Variants in ATF6 observed in about 807,000 individuals in gnomAD.
The protein encoded by ATF6 is activating transcription factor 6, also known as cyclic AMP-dependent transcription factor ATF-6 alpha.
A neutral mutation model predicts 83.6 loss-of-function variants in ATF6; 53 were observed. The ratio of observed to expected loss-of-function variants is 0.63; its 90% confidence interval spans 0.51 to 0.80. The LOEUF (loss-of-function observed/expected upper bound fraction) is 0.80, where lower values mean the gene tolerates loss of function less well. Among genes scored for constraint, ATF6 ranks in the 30% least tolerant of loss-of-function variants. The pLI, the probability that ATF6 is intolerant of heterozygous loss-of-function variation, is 0.00. For missense variants in ATF6, 744 were observed against 797.9 expected, an observed-to-expected ratio of 0.93 and a Z score of 0.81; for synonymous variants, 288 against 285.8, an observed-to-expected ratio of 1.01 and a Z score of -0.08.
intron 6 of ATF6, among the ~76,000 whole-genome samples, chr1:161,798,582 A>G (rs1436933054): frequency 6.6e-6 from 1 of 152,226 alleles, no homozygotes; most frequent in African/African-American, 2.4e-5. Flanking sequence ...ACTGCACTCC[A>G]GCCTGGGTGA....
intron 15 of ATF6, among the ~76,000 whole-genome samples, chr1:161,958,082 T>TC (rs536017077): frequency 1.7e-3 from 260 of 152,254 alleles, no homozygotes; most frequent in African/African-American, 6.0e-3. Context: ...TTCTCTGTAT[T>TC]CCCCACTAAA....
At chr1:161,766,888 C>G (rs554020244) in intron 1 of ATF6, among the ~76,000 whole-genome samples, 1 of 152,308 alleles carries the variant, frequency 6.6e-6, no homozygotes, top group South Asian at 2.1e-4. Context: ...AATCTTACAG[C>G]TTTTACTATT....
intron 9 of ATF6, among the ~76,000 whole-genome samples, chr1:161,840,690 A>T (rs546571882): frequency 6.6e-6 from 1 of 152,196 alleles, no homozygotes; most frequent in East Asian, 1.9e-4. Context: ...AACAATTCTT[A>T]TAATACTTTT....
Position 161,802,201 on chromosome 1 carries a change from A to T in ATF6, c.838A>T (p.Ser280Cys). The T allele has an allele frequency of 6.2e-7, 1 of 1,614,080 alleles. No individual in the cohort carries two copies. Among genetic ancestry groups the T allele is most frequent in the Non-Finnish European group, 8.5e-7 (1 of 1,179,994 alleles). ...TGTGGTACCAGCCCCTTCAGCGAAT[A>T]GCCCAGTGAATGGAAAACTTTCCGT... is the stretch of plus-strand genomic sequence containing the variant. ...VNVVPAPSAN[S>C]PVNGKLSVTK... The change falls in exon 7 of 16, where the codon AGC becomes TGC. Residue 280 changes from serine to cysteine, a missense_variant. By Grantham distance (112) the Ser-to-Cys change is moderately radical. Coordinates refer to ENST00000367942, the MANE Select transcript of ATF6 (RefSeq NM_007348.4).
intron 12 of ATF6, among the ~76,000 whole-genome samples, chr1:161,853,843 C>T (rs1267019313): frequency 7.9e-5 from 12 of 152,128 alleles, no homozygotes; most frequent in Non-Finnish European, 1.3e-4. Flanking sequence ...TAAGTCATTC[C>T]GTCATTCATC....
chr1:161,828,145 A>T (rs147577261), intron 9 of ATF6, among the ~76,000 whole-genome samples: 1 of 151,458 alleles, frequency 6.6e-6, no homozygotes, highest in African/African-American at 2.4e-5. Context: ...ATCACTACAG[A>T]CTCTGCCTTT....
intron 14 of ATF6, among the ~76,000 whole-genome samples, chr1:161,865,906 C>G (rs16856649): frequency 0.14 from 21,566 of 151,916 alleles, 2,090 homozygotes; most frequent in East Asian, 0.32. Flanking sequence ...TTCTTTAATA[C>G]CTGGATTGTT....
intron 15 of ATF6, among the ~76,000 whole-genome samples, chr1:161,945,993 GT>G (rs1321771810): frequency 3.3e-5 from 5 of 152,096 alleles, no homozygotes; most frequent in South Asian, 2.1e-4. Flanking sequence ...TACAGAGTCT[GT>G]TTTTGTTTTG....
chr1:161,884,342 C>T (rs1284127771), intron 14 of ATF6, among the ~76,000 whole-genome samples: 2 of 151,910 alleles, frequency 1.3e-5, no homozygotes, highest in Non-Finnish European at 1.5e-5. Flanking sequence ...AATACAAAAA[C>T]GTTAAAATTT....
At chr1:161,801,940 C>A in intron 6 of ATF6, 112 bp from the exon 7 acceptor site, 1 of 877,992 alleles carries the variant, frequency 1.1e-6, no homozygotes, top group Admixed American at 2.2e-5. Context: ...GGTGTCCAAT[C>A]CCTTGGTGTT....
At chr1:161,855,146 T>A (rs1361537088) in intron 12 of ATF6, among the ~76,000 whole-genome samples, 1 of 152,080 alleles carries the variant, frequency 6.6e-6, no homozygotes, top group African/African-American at 2.4e-5. Flanking sequence ...ATTTATATTT[T>A]AAAAAATTAG....
rs1571266594 is a variant in ATF6, at chr1:161,961,035, A to G, written c.*2381A>G. ...CTCTCTGTGACAGAATCACAGGAGA[A>G]GGACCCATCTCGTGGCCTTCTTGTT... On this transcript the variant is annotated 3_prime_UTR_variant, in exon 16 of 16. Coordinates refer to ENST00000367942, the MANE Select transcript of ATF6 (RefSeq NM_007348.4). 1 of 152,226 alleles carries G rather than the reference A, an allele frequency of 6.6e-6. No individual in the cohort carries two copies. Among genetic ancestry groups the G allele is most frequent in the Non-Finnish European group, 1.5e-5 (1 of 68,040 alleles). The allele number at this position is 152,226 out of a possible 1,614,324, so 9.4% of individuals were successfully genotyped here.
At chr1:161,838,006 C>T (rs1478711368) in intron 9 of ATF6, among the ~76,000 whole-genome samples, 2 of 152,192 alleles carry the variant, frequency 1.3e-5, no homozygotes, top group Non-Finnish European at 2.9e-5. Context: ...TTGGCTTAAT[C>T]ACTGACAGAG....
intron 9 of ATF6, among the ~76,000 whole-genome samples, chr1:161,826,858 T>A (rs1283925577): frequency 6.6e-6 from 1 of 151,850 alleles, no homozygotes; most frequent in Non-Finnish European, 1.5e-5. Context: ...CTGAAATTTG[T>A]CCCTGAATCA....
At chr1:161,918,099 C>T (rs1237567004) in intron 15 of ATF6, among the ~76,000 whole-genome samples, 2 of 151,978 alleles carry the variant, frequency 1.3e-5, no homozygotes, top group Non-Finnish European at 2.9e-5. Flanking sequence ...CCATTTTATT[C>T]CTACACTATA....
chr1:161,843,398 A>G (rs1686404298), intron 9 of ATF6, among the ~76,000 whole-genome samples: 1 of 152,184 alleles, frequency 6.6e-6, no homozygotes, highest in Non-Finnish European at 1.5e-5. Flanking sequence ...AGTCATTAGC[A>G]CCAAATATAG....
intron 1 of ATF6, among the ~76,000 whole-genome samples, chr1:161,776,961 C>T (rs549061017): frequency 5.0e-4 from 76 of 152,214 alleles, no homozygotes; most frequent in African/African-American, 1.8e-3. Context: ...GGTAGGTCAA[C>T]CACTGAGGTG....
At chr1:161,941,747 C>G (rs1321380758) in intron 15 of ATF6, among the ~76,000 whole-genome samples, 2 of 152,068 alleles carry the variant, frequency 1.3e-5, no homozygotes, top group African/African-American at 4.8e-5. Flanking sequence ...GATAACTTGT[C>G]TTAAAAATGA....
intron 14 of ATF6, among the ~76,000 whole-genome samples, chr1:161,876,400 TTA>T (rs1687217713): frequency 6.6e-6 from 1 of 152,040 alleles, no homozygotes; most frequent in African/African-American, 2.4e-5. Flanking sequence ...ATCCACAATT[TTA>T]TTAGTCTCTC....
Sources: allele counts gnomAD v4.1 joint callset (sites outside exome capture counted in the v4.1 genomes callset), GRCh38; gene constraint gnomAD v4.1.1; transcripts MANE v1.5; gene names NCBI Gene and HGNC (gene_info 2026-07-23, HGNC 2026-07-21).